BRAT1: variants seen among roughly 807,000 people sequenced by gnomAD.
BRAT1 encodes the protein integrator complex assembly factor BRAT1.
BRAT1 carries 74 observed loss-of-function variants against 70.6 expected under a neutral mutation model. The ratio of observed to expected loss-of-function variants is 1.05; its 90% CI spans 0.87 to 1.27. The LOEUF is 1.27. Ranked by LOEUF, BRAT1 falls within the 50% of genes most tolerant of loss-of-function variation. BRAT1 has a pLI of 0.00. For missense variants in BRAT1, 1,203 were observed against 1,098.2 expected (o/e 1.10, Z -1.35); for synonymous variants, 615 against 517.1 (o/e 1.19, Z -2.57).
intron 10 of BRAT1, 112 bp downstream of exon 10, chr7:2,540,867 C>T: frequency 8.9e-7 from 1 of 1,121,624 alleles, no homozygotes. Flanking sequence ...GCTCTGTGGC[C>T]CTGTGTGAAG....
intron 10 of BRAT1, chr7:2,540,148 A>G (rs1300059480): frequency 1.6e-5 from 7 of 440,212 alleles, no homozygotes; most frequent in Admixed American, 4.0e-5. Flanking sequence ...CCTCATGAGT[A>G]GCTGGGGCTA....
chr7:2,555,333 G>C (rs1386761905), intron 1 of BRAT1, among the ~76,000 whole-genome samples, 154 bp downstream of exon 1: 4 of 152,154 alleles, frequency 2.6e-5, no homozygotes, highest in Non-Finnish European at 4.4e-5. Context: ...AGGGGCGCCA[G>C]AGCAGGCGGC....
chr7:2,543,077 C>T lies in BRAT1; in HGVS notation c.923+127G>A. Reference sequence around the variant, plus strand: ...GCAACCCACGCACCACCCAGTCACACCCCGCACGGCCGCCTGACTGTCCCT... The same window carrying T: ...GCAACCCACGCACCACCCAGTCACATCCCGCACGGCCGCCTGACTGTCCCT... On this transcript the variant is annotated intron_variant, in intron 6 of 13. Coordinates refer to ENST00000340611, the MANE Select transcript of BRAT1 (RefSeq NM_152743.4). The surrounding 1 kb of genome is among the most constrained non-coding windows in gnomAD (Gnocchi z 5.5). 2 of 1,286,636 alleles carry T rather than the reference C, an allele frequency of 1.6e-6. No individual in the cohort carries two copies. The highest frequency in any genetic ancestry group is 2.5e-5 in the Admixed American group (1 of 39,380). The allele number at this position is 1,286,636 out of a possible 1,614,324, so 79.7% of individuals were successfully genotyped here. A position where few individuals can be genotyped will look rare whatever the true frequency, so the allele number is the denominator to read the frequency against.
rs752210141 is a variant in BRAT1, at chr7:2,539,213, G to T, written c.1736C>A (p.Ala579Asp). Residue 579 changes from alanine to aspartate, a missense_variant, in exon 13 of 14, where the codon GCC (alanine) becomes GAC (aspartate). Ala to Asp is a moderately radical substitution (Grantham distance 126, BLOSUM62 -2). Transcript: ENST00000340611. ...CTCTGCATGCTCAGGGCTGGTGGGG[G>T]CGTGCAGGCCCTGGCTGGACAGCTG... ...MGQLSSQGLH[A>D]PTSPEHAEAR... 3 of 1,609,762 alleles carry T rather than the reference G, an allele frequency of 1.9e-6. No homozygotes were observed. The highest frequency in any genetic ancestry group is 1.7e-6 in the Non-Finnish European group (2 of 1,179,100).
chr7:2,539,852 G>C lies in BRAT1; in HGVS notation c.1432C>G (p.Leu478Val), dbSNP rs772904982. 8.8e-6 allele frequency: 14 copies of C among 1,599,968 alleles called. No homozygotes were observed. Among genetic ancestry groups the C allele is most frequent in the Non-Finnish European group, 1.2e-5 (14 of 1,174,466 alleles). Residue 478 changes from leucine to valine, a missense_variant, in exon 11 of 14, where the codon CTC becomes GTC. Transcript: ENST00000340611. The stretch of plus-strand genomic sequence containing the variant: ...CCGGGGGTCTTGGGTGAGCTCAGGA[G>C]CCACCTGAGCGTGGCCTGGAAGGCC... ...KKAFQATLRWLLSSPKTPGCS... is the reference protein window; with the variant it reads ...KKAFQATLRWVLSSPKTPGCS...
Position 2,543,389 on chromosome 7 carries a change from G to A in BRAT1, c.804-66C>T. 1 of 1,515,460 alleles carries A rather than the reference G, an allele frequency of 6.6e-7. No homozygotes were observed. Among genetic ancestry groups the A allele is most frequent in the Non-Finnish European group, 8.8e-7 (1 of 1,132,228 alleles). 93.9% of individuals were successfully genotyped at this position (1,515,460 alleles called of 1,614,324 possible). A position where few individuals can be genotyped will look rare whatever the true frequency, so the allele number is the denominator to read the frequency against. On this transcript the variant is annotated intron_variant, in intron 5 of 13. Transcript: ENST00000340611. This position sits in a 1 kb window ranked among gnomAD's most constrained non-coding sequence, Gnocchi z 5.5. ...TCAAAACCCCATTCGAGGCCTGGCT[G>A]AGACTGCCATGGCTCCGGCACTGGA... is the stretch of plus-strand genomic sequence containing the variant.
In BRAT1 at chr7:2,547,482, T is replaced by C. The variant is rs1174955076; in HGVS notation, c.128-4A>G. Reference sequence around the variant, plus strand: ...TGCAGCAGCACGACACTGGACTCTGTGGGGATGGCCCAGCCCAGGGGTCAC... The same window carrying C: ...TGCAGCAGCACGACACTGGACTCTGCGGGGATGGCCCAGCCCAGGGGTCAC... On this transcript the variant is annotated splice_region_variant and splice_polypyrimidine_tract_variant and intron_variant, in intron 2 of 13. Transcript: ENST00000340611. The C allele has an allele frequency of 2.5e-6, 4 of 1,613,642 alleles. No homozygotes were observed. The highest frequency in any genetic ancestry group is 1.7e-6 in the Non-Finnish European group (2 of 1,179,948).
Position 2,539,018 on chromosome 7 carries a change from A to T in BRAT1, c.1770+161T>A, listed in dbSNP as rs1778922770. The T allele has an allele frequency of 7.7e-6, 11 of 1,435,940 alleles. No homozygotes were observed. The South Asian group carries it at 1.4e-4, about 19-fold the overall frequency. 88.9% of individuals were successfully genotyped at this position (1,435,940 alleles called of 1,614,324 possible). On this transcript the variant is annotated intron_variant, in intron 13 of 13. Coordinates refer to ENST00000340611, the MANE Select transcript of BRAT1 (RefSeq NM_152743.4). The stretch of plus-strand genomic sequence containing the variant: ...AGAAGGCGAAGCGCACAGGTCCCAC[A>T]CCCAGCACAGCCCCAGGGCCTCGGC...
At chr7:2,552,770 GCT>G (rs1156579970) in intron 2 of BRAT1, among the ~76,000 whole-genome samples, 1 of 149,960 alleles carries the variant, frequency 6.7e-6, no homozygotes, top group African/African-American at 2.5e-5. Context: ...ACGGAATCTC[GCT>G]CTGTCGCCCA....
In BRAT1 at chr7:2,538,610, G is replaced by T. The variant is rs200502048; in HGVS notation, c.1925C>A (p.Ala642Glu). The stretch of plus-strand genomic sequence containing the variant: ...GACCTCCCAGTCCAGGTCTCGGCTC[G>T]CCGCCTGCAGCACAGTGGCCACGAA... ...EQFVATVLQA[A>E]SRDLDWEVRA... The change falls in exon 14 of 14, where the codon GCG (alanine) becomes GAG (glutamate). Residue 642 changes from alanine to glutamate, a missense_variant. Coordinates refer to ENST00000340611, the MANE Select transcript of BRAT1 (RefSeq NM_152743.4). 85 of 1,585,354 alleles carry T rather than the reference G, an allele frequency of 5.4e-5. No individual in the cohort carries two copies. Among genetic ancestry groups the T allele is most frequent in the Non-Finnish European group, 6.9e-5 (81 of 1,173,948 alleles).
chr7:2,541,772 GGAC>G lies in BRAT1; in HGVS notation c.1077_1079del (p.Ser360del), dbSNP rs1779187502. On this transcript the variant is annotated inframe_deletion, in exon 8 of 14. Transcript: ENST00000340611. The stretch of plus-strand genomic sequence containing the variant: ...GGGTGCGGCACAGGAGGCCGGCGCA[GGAC>G]GACTTGGAGGCCAGGAGTGTGTCCA... 6.2e-7 allele frequency: 1 copy of G among 1,612,496 alleles called. No individual in the cohort carries two copies. Among genetic ancestry groups the G allele is most frequent in the Non-Finnish European group, 8.5e-7 (1 of 1,179,820 alleles).
chr7:2,547,541 C>T, intron 2 of BRAT1, 63 bp from the exon 3 acceptor site: 6 of 1,552,354 alleles, frequency 3.9e-6, no homozygotes, highest in Admixed American at 3.5e-5. Context: ...CCCTGGATGA[C>T]CGCTCTTCTC....
At chr7:2,554,796 C>T (rs1040394030) in intron 1 of BRAT1, among the ~76,000 whole-genome samples, 1 of 152,204 alleles carries the variant, frequency 6.6e-6, no homozygotes, top group African/African-American at 2.4e-5. Flanking sequence ...GAGTCAGGGG[C>T]ATCTTTGAGT....
chr7:2,544,759 A>G, intron 4 of BRAT1, 150 bp downstream of exon 4: 1 of 1,271,890 alleles, frequency 7.9e-7, no homozygotes, highest in Non-Finnish European at 1.0e-6. Context: ...CCAACCAGAG[A>G]ACACTGGACA....
In BRAT1 at chr7:2,543,864, G is replaced by T. The variant is rs1238539931; in HGVS notation, c.529C>A (p.Arg177=). Reference sequence around the variant, plus strand: ...CAGGGCTGCCCCTCGGCTCCACCTCGCATGGACAAAGCCAGGACGTGCACC... The same window carrying T: ...CAGGGCTGCCCCTCGGCTCCACCTCTCATGGACAAAGCCAGGACGTGCACC... ...LLVHVLALSM[R]GGAEGQPCLP... The change falls in exon 5 of 14, where the codon CGA becomes AGA. Residue 177 remains arginine (R), a synonymous_variant. Transcript: ENST00000340611. The surrounding 1 kb of genome is among the most constrained non-coding windows in gnomAD (Gnocchi z 5.5). The T allele has an allele frequency of 6.2e-7, 1 of 1,612,806 alleles. No individual in the cohort carries two copies. The highest frequency in any genetic ancestry group is 1.3e-5 in the African/African-American group (1 of 75,038).
chr7:2,543,056 C>A lies in BRAT1; in HGVS notation c.923+148G>T. 2 of 1,010,410 alleles carry A rather than the reference C, an allele frequency of 2.0e-6. No homozygotes were observed. The highest frequency in any genetic ancestry group is 3.6e-5 in the South Asian group (2 of 55,788). The allele number at this position is 1,010,410 out of a possible 1,614,324, so 62.6% of individuals were successfully genotyped here. A position where few individuals can be genotyped will look rare whatever the true frequency, so the allele number is the denominator to read the frequency against. Reference sequence around the variant, plus strand: ...AACCTTCAGAAGCTGCCGCGCGCAACCCACGCACCACCCAGTCACACCCCG... The same window carrying A: ...AACCTTCAGAAGCTGCCGCGCGCAAACCACGCACCACCCAGTCACACCCCG... On this transcript the variant is annotated intron_variant, in intron 6 of 13. Transcript: ENST00000340611. This position sits in a 1 kb window ranked among gnomAD's most constrained non-coding sequence, Gnocchi z 5.5.
At chr7:2,550,357 A>G (rs1583332020) in intron 2 of BRAT1, among the ~76,000 whole-genome samples, 2 of 150,180 alleles carry the variant, frequency 1.3e-5, no homozygotes, top group African/African-American at 2.4e-5. Context: ...GGTCCCAGCT[A>G]TTAGGGAGGC....
rs200977076 is a variant in BRAT1 at position 2,539,156 on chromosome 7, C to T, written c.1770+23G>A. The T allele has an allele frequency of 1.9e-5, 30 of 1,578,184 alleles. No homozygotes were observed. The African/African-American group carries it at 4.0e-4, about 21-fold the overall frequency. ...ACGATGGCCAGGCGGGAGTTGCTGG[C>T]TGAGGAACCTGCCACCTCCTACCTG... On this transcript the variant is annotated intron_variant, in intron 13 of 13. Transcript: ENST00000340611.
At chr7:2,547,537 A>C in intron 2 of BRAT1, 59 bp from the exon 3 acceptor site, 1 of 1,564,960 alleles carries the variant, frequency 6.4e-7, no homozygotes, top group Non-Finnish European at 8.8e-7. Context: ...GTCCCCCTGG[A>C]TGACCGCTCT....
Sources: gnomAD v4.1 joint callset for allele counts (sites outside exome capture counted in the v4.1 genomes callset) on GRCh38, gnomAD v4.1.1 for gene constraint, Gnocchi (gnomAD v3.1) non-coding constraint, MANE v1.5 for transcripts, NCBI Gene and HGNC (gene_info 2026-07-23, HGNC 2026-07-21) for gene names.